Variants in PHF24 observed in about 807,000 individuals in gnomAD.
The protein encoded by PHF24 is Galpha inhibitory interacting protein.
A neutral mutation model predicts 42.6 loss-of-function variants in PHF24; 25 were observed. The ratio of observed to expected loss-of-function variants is 0.59; its 90% CI spans 0.43 to 0.82. PHF24 has a LOEUF of 0.82. Ranked by LOEUF, PHF24 falls within the 40% of genes least tolerant of loss-of-function variation. The pLI is 0.00. For synonymous variants in PHF24, 185 were observed against 204.8 expected (o/e 0.90, Z 0.83); for missense variants, 470 against 538.1 (o/e 0.87, Z 1.25).
chr9:34,937,588 T>C, the PHF24 span, among the ~76,000 whole-genome samples: 1 of 149,704 alleles, frequency 6.7e-6, no homozygotes, highest in Non-Finnish European at 1.5e-5. Flanking sequence ...CTCCCTCCAC[T>C]ATTGTCCTGT....
chr9:34,910,841 G>C, the PHF24 span, among the ~76,000 whole-genome samples: 3 of 145,212 alleles, frequency 2.1e-5, no homozygotes, highest in African/African-American at 7.6e-5. Context: ...TTTTTCAATT[G>C]AGATAGAGTC....
chr9:34,856,241 C>A, the PHF24 span, among the ~76,000 whole-genome samples: 1 of 152,116 alleles, frequency 6.6e-6, no homozygotes, highest in Non-Finnish European at 1.5e-5. Flanking sequence ...CAGTGAAGTT[C>A]ATCATTACCC....
At chr9:34,725,763 G>A in the PHF24 span, 1 of 1,549,838 alleles carries the variant, frequency 6.5e-7, no homozygotes, top group South Asian at 1.2e-5. Context: ...GGGGAAAGTG[G>A]GGAAGAGGGT....
the PHF24 span, among the ~76,000 whole-genome samples, chr9:34,864,169 G>A: frequency 2.0e-5 from 3 of 152,166 alleles, no homozygotes; most frequent in African/African-American, 7.2e-5. Context: ...ATCCTCAGAA[G>A]GGCAAATCTG....
At chr9:34,869,111 T>C in the PHF24 span, among the ~76,000 whole-genome samples, 1 of 152,248 alleles carries the variant, frequency 6.6e-6, no homozygotes, top group South Asian at 2.1e-4. Context: ...TGCATAGTAT[T>C]CCATGGTATG....
the PHF24 span, among the ~76,000 whole-genome samples, chr9:34,870,390 GA>G: frequency 6.6e-6 from 1 of 150,942 alleles, no homozygotes; most frequent in Non-Finnish European, 1.5e-5. Context: ...TCACTGCCCA[GA>G]AAAAAAAATT....
At chr9:34,735,726 G>C in the PHF24 span, among the ~76,000 whole-genome samples, 1,914 of 151,958 alleles carry the variant, frequency 0.013, 48 homozygotes, top group African/African-American at 0.043. Context: ...TTGAATCCGG[G>C]TAGCGGAGGT....
the PHF24 span, among the ~76,000 whole-genome samples, chr9:34,772,176 T>C: frequency 1.2e-4 from 18 of 152,336 alleles, no homozygotes; most frequent in South Asian, 3.7e-3. Flanking sequence ...CCCAAGAGAC[T>C]GATTCCTAGG....
At chr9:34,783,084 A>G in the PHF24 span, among the ~76,000 whole-genome samples, 1 of 151,698 alleles carries the variant, frequency 6.6e-6, no homozygotes, top group African/African-American at 2.4e-5. Context: ...TTTCAGCTTG[A>G]CTCTCAGCTT....
chr9:34,891,976 T>G, the PHF24 span, among the ~76,000 whole-genome samples: 4 of 151,688 alleles, frequency 2.6e-5, no homozygotes, highest in East Asian at 7.7e-4. Flanking sequence ...GGAGGGGAGA[T>G]TTTAATTAGT....
the PHF24 span, among the ~76,000 whole-genome samples, chr9:34,929,808 A>G: frequency 6.6e-6 from 1 of 152,208 alleles, no homozygotes; most frequent in Non-Finnish European, 1.5e-5. Context: ...AAGAGAGATC[A>G]CAAACCTAAG....
At chr9:34,957,038 A>G (rs1345580041), upstream of PHF24, among the ~76,000 whole-genome samples, 3 of 152,192 alleles carry the variant, frequency 2.0e-5, no homozygotes, top group Non-Finnish European at 4.4e-5. Flanking sequence ...CACTGGCAAA[A>G]TGTCGAAACT....
the PHF24 span, chr9:34,833,258 C>T: frequency 3.0e-5 from 46 of 1,550,436 alleles, no homozygotes; most frequent in South Asian, 6.0e-5. Context: ...GTTGTTCACA[C>T]TGGCCTCTAC....
At chr9:34,913,349 C>G in the PHF24 span, among the ~76,000 whole-genome samples, 1 of 152,136 alleles carries the variant, frequency 6.6e-6, no homozygotes, top group Non-Finnish European at 1.5e-5. Context: ...AGTGACCCCC[C>G]AAACAGGAAT....
chr9:34,684,714 G>T, the PHF24 span, among the ~76,000 whole-genome samples: 46 of 152,306 alleles, frequency 3.0e-4, no homozygotes, highest in African/African-American at 1.0e-3. Flanking sequence ...TGGCAGGAAT[G>T]AGGTCGACGT....
At chr9:34,862,369 G>A in the PHF24 span, among the ~76,000 whole-genome samples, 2 of 152,114 alleles carry the variant, frequency 1.3e-5, no homozygotes, top group Non-Finnish European at 2.9e-5. Flanking sequence ...CAGGCAGCAC[G>A]ATTTGTGGCT....
At chr9:34,793,705 G>A in the PHF24 span, among the ~76,000 whole-genome samples, 2 of 151,970 alleles carry the variant, frequency 1.3e-5, no homozygotes, top group Non-Finnish European at 2.9e-5. Context: ...GAGAGGGAAA[G>A]CAGTCTTCTA....
the PHF24 span, among the ~76,000 whole-genome samples, chr9:34,694,604 A>T: frequency 2.0e-5 from 3 of 152,148 alleles, no homozygotes; most frequent in South Asian, 6.2e-4. Flanking sequence ...AAGTGCAGGG[A>T]TTACAGGCGT....
chr9:34,978,145 A>T (rs770570515), exon 8 of PHF24: 2 of 1,494,812 alleles, frequency 1.3e-6, no homozygotes, highest in Admixed American at 3.3e-5. Flanking sequence ...GAGGACAGTG[A>T]CATCCTCTCC....
Sources: gnomAD v4.1 joint callset for allele counts (sites outside exome capture counted in the v4.1 genomes callset) on GRCh38, gnomAD v4.1.1 for gene constraint, MANE v1.5 for transcripts, NCBI Gene and HGNC (gene_info 2026-07-23, HGNC 2026-07-21) for gene names.